ATP2A2: variants seen among roughly 807,000 people sequenced by gnomAD.
ATP2A2 encodes ATPase sarcoplasmic/endoplasmic reticulum Ca2+ transporting 2.
A neutral mutation model predicts 109.3 loss-of-function variants in ATP2A2; 14 were observed. That is an observed-to-expected ratio of 0.13 (90% CI 0.08 to 0.20). The LOEUF (loss-of-function observed/expected upper bound fraction) is 0.20. Among genes scored for constraint, ATP2A2 ranks in the 10% least tolerant of loss-of-function variants. The probability of loss-of-function intolerance (pLI) is 1.00; values close to 1 mark genes in which losing one functional copy is unlikely to be tolerated. For missense variants in ATP2A2, 657 were observed against 1,321.6 expected (o/e 0.50, Z 7.80); for synonymous variants, 506 against 490.9 (o/e 1.03, Z -0.41).
At chr12:110,316,993 A>G (rs1876735123) in intron 5 of ATP2A2, among the ~76,000 whole-genome samples, 1 of 152,204 alleles carries the variant, frequency 6.6e-6, no homozygotes. Flanking sequence ...TCTAAGAAAC[A>G]GATTGGGAGC....
chr12:110,318,042 A>C (rs1876853166), intron 5 of ATP2A2, among the ~76,000 whole-genome samples: 1 of 152,170 alleles, frequency 6.6e-6, no homozygotes, highest in African/African-American at 2.4e-5. Flanking sequence ...AAGAGTAAGA[A>C]TTTTCCACTA....
In ATP2A2 at chr12:110,334,621, C is replaced by T. The variant is rs377434976; in HGVS notation, c.1419+478C>T. 1.2e-3 allele frequency among the ~76,000 whole-genome samples: 146 copies of T among 119,972 alleles called. 1 individual carries two copies. In the South Asian group the frequency reaches 0.017, roughly 14 times the overall value. The allele number at this position is 119,972 out of a possible 152,430, so 78.7% of individuals were successfully genotyped here. On this transcript the variant is annotated intron_variant, in intron 11 of 19. Coordinates refer to ENST00000539276, the MANE Select transcript of ATP2A2 (RefSeq NM_170665.4). ...TTTTTTTTTTTGAGACAGAGTTTCT[C>T]TCTGTCACCAGATTGGAGTGCCATG...
chr12:110,346,063 C>G lies in ATP2A2; in HGVS notation c.2804C>G (p.Ser935Cys). Residue 935 changes from serine (S) to cysteine (C), a missense_variant, in exon 19 of 20, where the codon TCC becomes TGC. By Grantham distance (112) the Ser-to-Cys change is moderately radical (BLOSUM62 -1). Around this residue, in one of 9 missense-constraint regions of ATP2A2, gnomAD observed 125 missense variants for 243.5 expected, o/e 0.51. Coordinates refer to ENST00000539276, the MANE Select transcript of ATP2A2 (RefSeq NM_170665.4). ...TGGGAGAACATCTGGCTCGTGGGCT[C>G]CATCTGCCTGTCCATGTCACTCCAC... ...PPWENIWLVG[S>C]ICLSMSLHFL... 6.2e-7 allele frequency: 1 copy of G among 1,614,180 alleles called. No homozygotes were observed. The highest frequency in any genetic ancestry group is 1.1e-5 in the South Asian group (1 of 91,088).
At chr12:110,299,204 G>A (rs1287948315) in intron 5 of ATP2A2, among the ~76,000 whole-genome samples, 1 of 151,844 alleles carries the variant, frequency 6.6e-6, no homozygotes, top group Non-Finnish European at 1.5e-5. Context: ...AAACTCCTGG[G>A]CTCAGGCAGT....
chr12:110,326,556 T>C, intron 7 of ATP2A2, 81 bp downstream of exon 7: 1 of 1,225,602 alleles, frequency 8.2e-7, no homozygotes, highest in Non-Finnish European at 1.2e-6. Flanking sequence ...CTGCCAACCA[T>C]CACTGGCTAT....
intron 3 of ATP2A2, among the ~76,000 whole-genome samples, chr12:110,288,871 G>C (rs1377492910): frequency 6.6e-6 from 1 of 152,100 alleles, no homozygotes; most frequent in Non-Finnish European, 1.5e-5. Flanking sequence ...TTTCAGTAAT[G>C]TCACTCATCC....
intron 5 of ATP2A2, among the ~76,000 whole-genome samples, chr12:110,317,387 T>A (rs188213429): frequency 2.5e-4 from 38 of 151,624 alleles, no homozygotes; most frequent in East Asian, 5.8e-4. Flanking sequence ...AAGGATTTTT[T>A]AAAAAAATAA....
chr12:110,338,950 A>G (rs986075853), intron 11 of ATP2A2, among the ~76,000 whole-genome samples: 1 of 152,078 alleles, frequency 6.6e-6, no homozygotes, highest in African/African-American at 2.4e-5. Flanking sequence ...CTTCACCACC[A>G]CCCACTGGGT....
chr12:110,292,007 A>G lies in ATP2A2; in HGVS notation c.220-13A>G, dbSNP rs556929065. The G allele has an allele frequency of 1.2e-6, 2 of 1,609,464 alleles. No individual in the cohort carries two copies. The highest frequency in any genetic ancestry group is 2.7e-5 in the African/African-American group (2 of 74,952). On this transcript the variant is annotated splice_polypyrimidine_tract_variant and intron_variant, in intron 3 of 19. Transcript: ENST00000539276. ...CTAAAAAGACACATTCTAACGTGCC[A>G]TTTCTCTTCTAGGTTTTGGCTTGGT...
chr12:110,294,916 C>T (rs1873800754), intron 4 of ATP2A2, among the ~76,000 whole-genome samples: 1 of 151,986 alleles, frequency 6.6e-6, no homozygotes, highest in Admixed American at 6.5e-5. Context: ...ACCTCCCGGA[C>T]TCAAGAGATT....
At position 110,347,073 on chromosome 12, in the gene ATP2A2, T is replaced by C; in HGVS notation, c.*603T>C. 1 of 1,041,308 alleles carries C rather than the reference T, an allele frequency of 9.6e-7. No individual in the cohort carries two copies. The highest frequency in any genetic ancestry group is 1.2e-6 in the Non-Finnish European group (1 of 868,680). 64.5% of individuals were successfully genotyped at this position (1,041,308 alleles called of 1,614,324 possible). A position where few individuals can be genotyped will look rare whatever the true frequency, so the allele number is the denominator to read the frequency against. Reference sequence around the variant, plus strand: ...TACCCCCGCCCCGCTTGGCTTCTTCTTTAGGATTGTGATGGTTCGTTCTGT... The same window carrying C: ...TACCCCCGCCCCGCTTGGCTTCTTCCTTAGGATTGTGATGGTTCGTTCTGT... On this transcript the variant is annotated 3_prime_UTR_variant, in exon 20 of 20. Coordinates refer to ENST00000539276, the MANE Select transcript of ATP2A2 (RefSeq NM_170665.4).
chr12:110,315,647 A>G (rs1414486729), intron 5 of ATP2A2, among the ~76,000 whole-genome samples: 2 of 152,102 alleles, frequency 1.3e-5, no homozygotes, highest in Admixed American at 6.6e-5. Flanking sequence ...GTATCCTAAA[A>G]TTTTTATTTT....
chr12:110,325,357 G>A (rs897225616), intron 6 of ATP2A2, among the ~76,000 whole-genome samples: 4 of 151,990 alleles, frequency 2.6e-5, no homozygotes, highest in Admixed American at 2.6e-4. Context: ...AAATCAGCTG[G>A]GCATGGTGTC....
At position 110,349,584 on chromosome 12, in the gene ATP2A2, T is replaced by C; in HGVS notation, c.*3114T>C. ...GGCCGACTTCCCTCACAACAGCTGCTCCCACATCCCCTCGGACTGGAGCTT... is the reference window on the plus strand; with the variant it reads ...GGCCGACTTCCCTCACAACAGCTGCCCCCACATCCCCTCGGACTGGAGCTT... On this transcript the variant is annotated 3_prime_UTR_variant, in exon 20 of 20. Transcript: ENST00000539276. 1.0e-6 allele frequency: 1 copy of C among 986,470 alleles called. No homozygotes were observed. Among genetic ancestry groups the C allele is most frequent in the South Asian group, 4.7e-5 (1 of 21,312 alleles). The allele number at this position is 986,470 out of a possible 1,614,324, so 61.1% of individuals were successfully genotyped here.
intron 3 of ATP2A2, among the ~76,000 whole-genome samples, chr12:110,286,712 AAAAC>A (rs1225903205): frequency 6.6e-6 from 1 of 151,280 alleles, no homozygotes; most frequent in Non-Finnish European, 1.5e-5. Context: ...AAAAAAAAAA[AAAAC>A]TTGATGTAAA....
intron 2 of ATP2A2, 36 bp from the exon 3 acceptor site, chr12:110,282,677 G>C (rs773113833): frequency 3.1e-6 from 5 of 1,613,602 alleles, no homozygotes; most frequent in South Asian, 1.1e-5. Context: ...CTGATGGTAA[G>C]ATGACAGTTA....
Position 110,314,051 on chromosome 12 carries a change from C to T in ATP2A2, c.464-8941C>T, listed in dbSNP as rs149053793. On this transcript the variant is annotated intron_variant, in intron 5 of 19. Transcript: ENST00000539276. ...TTTTGAAAACCAAGGGCTTGGTGGC[C>T]GGGTACACTGGCTCATGCCTGTAAT... 1.1e-4 allele frequency among the ~76,000 whole-genome samples: 16 copies of T among 150,436 alleles called. No individual in the cohort carries two copies. In the East Asian group the frequency reaches 1.5e-3, roughly 14 times the overall value.
intron 3 of ATP2A2, among the ~76,000 whole-genome samples, chr12:110,288,990 GA>G (rs999918321): frequency 1.3e-5 from 2 of 152,164 alleles, no homozygotes; most frequent in Non-Finnish European, 2.9e-5. Context: ...CAATAGATCA[GA>G]ACTGTGAAGG....
chr12:110,306,651 C>G (rs934229541), intron 5 of ATP2A2, among the ~76,000 whole-genome samples: 1 of 152,194 alleles, frequency 6.6e-6, no homozygotes, highest in Non-Finnish European at 1.5e-5. Context: ...GGATAATAGT[C>G]TCTGGCTGCA....
Sources: gnomAD v4.1 joint callset for allele counts (sites outside exome capture counted in the v4.1 genomes callset) on GRCh38, gnomAD v4.1.1 for gene constraint, gnomAD v4.1.1 regional missense constraint, MANE v1.5 for transcripts, NCBI Gene and HGNC (gene_info 2026-07-23, HGNC 2026-07-21) for gene names.